HDAC4: variants seen among roughly 807,000 people sequenced by gnomAD.
The protein encoded by HDAC4 is histone deacetylase A.
A neutral mutation model predicts 135.1 loss-of-function variants in HDAC4; 16 were observed. The observed-to-expected ratio is 0.12, with a 90% CI of 0.08 to 0.18. The LOEUF (loss-of-function observed/expected upper bound fraction) is 0.18. Ranked by LOEUF, HDAC4 falls within the 10% of genes least tolerant of loss-of-function variation. HDAC4 has a pLI of 1.00. For missense variants in HDAC4, 1,143 were observed against 1,511.8 expected (o/e 0.76, Z 4.05); for synonymous variants, 685 against 653.4 (o/e 1.05, Z -0.74).
chr2:239,401,247 A>T (rs1696976053), upstream of HDAC4, among the ~76,000 whole-genome samples: 1 of 148,478 alleles, frequency 6.7e-6, no homozygotes, highest in Non-Finnish European at 1.5e-5. Context: ...ACCTGCGCAC[A>T]GCCCGTCTGC....
chr2:239,137,205 G>A (rs191102861), intron 9 of HDAC4, among the ~76,000 whole-genome samples: 2 of 152,228 alleles, frequency 1.3e-5, no homozygotes, highest in Non-Finnish European at 2.9e-5. Context: ...GGGCGTTCTG[G>A]CATCTGCTGC....
chr2:239,268,455 T>C (rs2049872870), intron 2 of HDAC4, among the ~76,000 whole-genome samples: 1 of 152,266 alleles, frequency 6.6e-6, no homozygotes, highest in African/African-American at 2.4e-5. Flanking sequence ...GATAAAGATA[T>C]TCATCATGAA....
At chr2:239,069,887 T>C (rs2033989648) in intron 22 of HDAC4, among the ~76,000 whole-genome samples, 1 of 152,192 alleles carries the variant, frequency 6.6e-6, no homozygotes, top group South Asian at 2.1e-4. Flanking sequence ...TTCTGTATAA[T>C]TTCTGTAACC....
At chr2:239,264,209 C>A (rs1432562821) in intron 2 of HDAC4, among the ~76,000 whole-genome samples, 1 of 152,214 alleles carries the variant, frequency 6.6e-6, no homozygotes, top group Non-Finnish European at 1.5e-5. Flanking sequence ...GGACTCCCAG[C>A]AGGCACAGGC....
At chr2:239,382,990 A>G (rs1404705444) in intron 1 of HDAC4, among the ~76,000 whole-genome samples, 2 of 152,114 alleles carry the variant, frequency 1.3e-5, no homozygotes, top group Non-Finnish European at 2.9e-5. Flanking sequence ...TCGGCCTCCC[A>G]AAGTACTGGG....
Position 239,049,934 on chromosome 2 carries a change from T to G in HDAC4, c.*3163A>C, listed in dbSNP as rs2030578098. 6.5e-6 allele frequency: 1 copy of G among 152,674 alleles called. No individual in the cohort carries two copies. The highest frequency in any genetic ancestry group is 2.4e-5 in the African/African-American group (1 of 41,470). 9.5% of individuals were successfully genotyped at this position (152,674 alleles called of 1,614,324 possible). A position where few individuals can be genotyped will look rare whatever the true frequency, so the allele number is the denominator to read the frequency against. On this transcript the variant is annotated 3_prime_UTR_variant, in exon 27 of 27. Transcript: ENST00000543185. ...CTCAAAGGGATATAAAGTGCTCGCTTGCTGACTCCCAGCCAGTGCCCCCAA... is the reference window on the plus strand; with the variant it reads ...CTCAAAGGGATATAAAGTGCTCGCTGGCTGACTCCCAGCCAGTGCCCCCAA...
chr2:239,141,452 C>T lies in HDAC4; in HGVS notation c.866-1656G>A, dbSNP rs1219270527. Among the ~76,000 whole-genome samples, 1 of 152,184 alleles carries T rather than the reference C, an allele frequency of 6.6e-6. No individual in the cohort carries two copies. The highest frequency in any genetic ancestry group is 6.5e-5 in the Admixed American group (1 of 15,284). On this transcript the variant is annotated intron_variant, in intron 8 of 26. Coordinates refer to ENST00000543185, the MANE Select transcript of HDAC4 (RefSeq NM_001378414.1). This position sits in a 1 kb window ranked among gnomAD's most constrained non-coding sequence, Gnocchi z 4.9. ...CCTGGCCCTCTCACCCTCTCACTTC[C>T]ACCAGACACTAACTCCAGAGGTAGG... is the stretch of plus-strand genomic sequence containing the variant.
At chr2:239,296,556 T>C (rs563222315) in intron 2 of HDAC4, among the ~76,000 whole-genome samples, 1 of 152,368 alleles carries the variant, frequency 6.6e-6, no homozygotes, top group South Asian at 2.1e-4. Flanking sequence ...AGGGTCACAA[T>C]GCTGGCCGGC....
At chr2:239,055,080 A>G in intron 24 of HDAC4, 1 of 436,048 alleles carries the variant, frequency 2.3e-6, no homozygotes, top group East Asian at 4.6e-5. Context: ...GCAGGAAGAA[A>G]GACAGTCCCC....
intron 3 of HDAC4, among the ~76,000 whole-genome samples, chr2:239,199,495 C>A (rs1246050630): frequency 1.3e-5 from 2 of 152,114 alleles, no homozygotes; most frequent in African/African-American, 4.8e-5. Context: ...CAGTGTCATG[C>A]TTGATTCTCT....
chr2:239,104,361 T>A (rs1037788228), intron 15 of HDAC4, among the ~76,000 whole-genome samples: 6 of 152,200 alleles, frequency 3.9e-5, no homozygotes, highest in Non-Finnish European at 8.8e-5. Flanking sequence ...CCTGAGTAGC[T>A]GGGATTATAG....
chr2:239,083,528 A>G (rs919762227), intron 20 of HDAC4, among the ~76,000 whole-genome samples: 4 of 152,250 alleles, frequency 2.6e-5, no homozygotes, highest in African/African-American at 9.6e-5. Flanking sequence ...TATGAAATAA[A>G]TCATAAATAC....
chr2:239,122,078 C>G (rs13395975), intron 12 of HDAC4, among the ~76,000 whole-genome samples: 4,378 of 152,324 alleles, frequency 0.029, 202 homozygotes, highest in African/African-American at 0.094. Context: ...CTGGAGTTCA[C>G]GGCCAAAACC....
intron 2 of HDAC4, among the ~76,000 whole-genome samples, chr2:239,271,239 G>T (rs1229792636): frequency 1.3e-5 from 2 of 152,124 alleles, no homozygotes; most frequent in Non-Finnish European, 1.5e-5. Context: ...TCACACTCCT[G>T]AGTAGCTGGA....
intron 5 of HDAC4, among the ~76,000 whole-genome samples, chr2:239,169,085 G>A (rs565874146): frequency 2.8e-4 from 42 of 152,196 alleles, no homozygotes; most frequent in Non-Finnish European, 5.0e-4. Flanking sequence ...GAAGAGTCTG[G>A]TAAACTCTGA....
At chr2:239,270,073 C>T (rs1032946160) in intron 2 of HDAC4, among the ~76,000 whole-genome samples, 2 of 152,182 alleles carry the variant, frequency 1.3e-5, no homozygotes, top group Non-Finnish European at 2.9e-5. Context: ...GGTCCCAGAG[C>T]CTACTCTCTG....
At chr2:239,120,476 T>C (rs962699201) in intron 12 of HDAC4, among the ~76,000 whole-genome samples, 2 of 150,002 alleles carry the variant, frequency 1.3e-5, no homozygotes, top group Non-Finnish European at 3.0e-5. Context: ...AAGAGACAGA[T>C]ACACAGATAC....
rs1195689249 is a variant in HDAC4, at chr2:239,167,640, T to A, written c.491-3717A>T. Reference sequence around the variant, plus strand: ...GCACTTCTGGTTATGCACACGCTCATCTGTCAACAGGTTTCTCACTTAAAG... The same window carrying A: ...GCACTTCTGGTTATGCACACGCTCAACTGTCAACAGGTTTCTCACTTAAAG... On this transcript the variant is annotated intron_variant, in intron 5 of 26. Coordinates refer to ENST00000543185, the MANE Select transcript of HDAC4 (RefSeq NM_001378414.1). This position sits in a 1 kb window ranked among gnomAD's most constrained non-coding sequence, Gnocchi z 4.1. Among the ~76,000 whole-genome samples the A allele has an allele frequency of 6.6e-6, 1 of 152,118 alleles. No individual in the cohort carries two copies. Among genetic ancestry groups the A allele is most frequent in the Non-Finnish European group, 1.5e-5 (1 of 68,034 alleles).
chr2:239,128,799 C>A lies in HDAC4; in HGVS notation c.1295-2105G>T, dbSNP rs138331881. 2.8e-3 allele frequency among the ~76,000 whole-genome samples: 423 copies of A among 152,134 alleles called. 3 individuals are homozygous for A. Among genetic ancestry groups the A allele is most frequent in the Middle Eastern group, 0.02 (6 of 294 alleles). The stretch of plus-strand genomic sequence containing the variant: ...CGGTGATGAGCTGCACAGTCCCCTG[C>A]CCAGGCCTGACCCTCTGCAGAGGAG... On this transcript the variant is annotated intron_variant, in intron 11 of 26. Coordinates refer to ENST00000543185, the MANE Select transcript of HDAC4 (RefSeq NM_001378414.1).
Sources: allele counts gnomAD v4.1 joint callset (sites outside exome capture counted in the v4.1 genomes callset), GRCh38; gene constraint gnomAD v4.1.1; non-coding constraint Gnocchi (gnomAD v3.1); transcripts MANE v1.5; gene names NCBI Gene and HGNC (gene_info 2026-07-23, HGNC 2026-07-21).